The following CHAF1A variants were observed in gnomAD, a reference collection of about 807,000 sequenced individuals.
The protein encoded by CHAF1A is CAF-1 subunit A.
In CHAF1A, 5 loss-of-function variants were observed where a neutral mutation model predicts 93.2. The ratio of observed to expected loss-of-function variants is 0.05; its 90% CI spans 0.03 to 0.11. The LOEUF (loss-of-function observed/expected upper bound fraction) is 0.11, where lower values mean the gene tolerates loss of function less well. Ranked by LOEUF, CHAF1A falls within the 10% of genes least tolerant of loss-of-function variation. CHAF1A has a pLI of 1.00. For missense variants in CHAF1A, 1,102 were observed against 1,259.9 expected (o/e 0.87, Z 1.90); for synonymous variants, 504 against 510.3 (o/e 0.99, Z 0.17).
In CHAF1A at chr19:4,409,020, C is replaced by G; in HGVS notation, c.221C>G (p.Thr74Ser). The part of the protein sequence containing the change: ...KSPDLEASLD[T>S]LENNCHVGSD... ...CCCGATTTAGAGGCCTCTTTGGACA[C>G]CTTGGAAAACAACTGTCATGTGGGT... Residue 74 changes from threonine (T) to serine (S), a missense_variant, in exon 3 of 15, where the codon ACC becomes AGC. By Grantham distance (58) the Thr-to-Ser change is moderately conservative. Around this residue, in one of 6 missense-constraint regions of CHAF1A, gnomAD observed 379 missense variants for 365.7 expected, o/e 1.04. Coordinates refer to ENST00000301280, the MANE Select transcript of CHAF1A (RefSeq NM_005483.3). 6.2e-7 allele frequency: 1 copy of G among 1,614,124 alleles called. No individual in the cohort carries two copies. Among genetic ancestry groups the G allele is most frequent in the East Asian group, 2.2e-5 (1 of 44,876 alleles).
intron 4 of CHAF1A, among the ~76,000 whole-genome samples, chr19:4,420,510 T>C (rs1286421383): frequency 6.6e-6 from 1 of 152,216 alleles, no homozygotes; most frequent in Non-Finnish European, 1.5e-5. Context: ...CCCAAAGTGC[T>C]GGGATTACAG....
chr19:4,449,789 G>C (rs191973140), downstream of CHAF1A: 1 of 152,054 alleles, frequency 6.6e-6, no homozygotes, highest in African/African-American at 2.4e-5. Flanking sequence ...AGGTGCTCTC[G>C]ACAGGTGGGG....
chr19:4,448,519 T>C, downstream of CHAF1A: 1 of 933,094 alleles, frequency 1.1e-6, no homozygotes, highest in Non-Finnish European at 1.7e-6. Context: ...GAACAGCGGC[T>C]TGGAGCGGCC....
chr19:4,438,012 A>G (rs1244414295), intron 13 of CHAF1A, among the ~76,000 whole-genome samples: 1 of 152,088 alleles, frequency 6.6e-6, no homozygotes, highest in South Asian at 2.1e-4. Flanking sequence ...AAGTGCTAGG[A>G]TTACAGGCGT....
chr19:4,429,499 A>C lies in CHAF1A; in HGVS notation c.1666A>C (p.Arg556=). ...TGTTCCCGAGAGGAGGAAGTTTGGC[A>C]GGATGAAGCTCCTGCAGTTCTGTGA... The part of the protein sequence containing the change: ...DGVPERRKFG[R]MKLLQFCENH... The change falls in exon 9 of 15, where the codon AGG becomes CGG. Residue 556 remains arginine, a synonymous_variant. Coordinates refer to ENST00000301280, the MANE Select transcript of CHAF1A (RefSeq NM_005483.3). 1 of 1,613,944 alleles carries C rather than the reference A, an allele frequency of 6.2e-7. No individual in the cohort carries two copies. The highest frequency in any genetic ancestry group is 8.5e-7 in the Non-Finnish European group (1 of 1,179,956).
chr19:4,415,930 T>C (rs1973889630), intron 3 of CHAF1A, among the ~76,000 whole-genome samples: 2 of 151,938 alleles, frequency 1.3e-5, no homozygotes, highest in Admixed American at 1.3e-4. Context: ...TCCCAGCACT[T>C]TGGGAGGCCG....
chr19:4,407,099 G>A (rs180688578), intron 2 of CHAF1A, among the ~76,000 whole-genome samples: 154 of 152,040 alleles, frequency 1.0e-3, no homozygotes, highest in African/African-American at 3.5e-3. Flanking sequence ...GGCACCTGTA[G>A]TCCCAGCTAC....
intron 13 of CHAF1A, among the ~76,000 whole-genome samples, chr19:4,434,830 G>A (rs999936628): frequency 6.6e-6 from 1 of 152,110 alleles, no homozygotes; most frequent in African/African-American, 2.4e-5. Context: ...CCGGTGTAAG[G>A]CACAGACAGG....
rs375751880 is a variant in CHAF1A, at chr19:4,416,345, A to C, written c.961-1675A>C. Reference sequence around the variant, plus strand: ...TCTCTTCCCATTGCTCTTCACTTCTACTAGTTTGGTTTTCAGGATTCCCTG... The same window carrying C: ...TCTCTTCCCATTGCTCTTCACTTCTCCTAGTTTGGTTTTCAGGATTCCCTG... On this transcript the variant is annotated intron_variant, in intron 3 of 14. Coordinates refer to ENST00000301280, the MANE Select transcript of CHAF1A (RefSeq NM_005483.3). Among the ~76,000 whole-genome samples the C allele has an allele frequency of 2.2e-4, 34 of 152,146 alleles. No individual in the cohort carries two copies. The South Asian group carries it at 5.4e-3, about 24-fold the overall frequency.
downstream of CHAF1A, chr19:4,446,922 T>C: frequency 6.2e-7 from 1 of 1,613,706 alleles, no homozygotes; most frequent in Non-Finnish European, 8.5e-7. Context: ...AATGCGCTCC[T>C]GGGGGTGGAG....
chr19:4,442,693 C>T (rs371819793), intron 14 of CHAF1A, among the ~76,000 whole-genome samples: 16 of 152,310 alleles, frequency 1.1e-4, no homozygotes, highest in African/African-American at 2.6e-4. Context: ...CAGCAGGCTG[C>T]GTGGGAGGAG....
downstream of CHAF1A, chr19:4,448,232 G>C (rs1051685860): frequency 1.0e-5 from 13 of 1,239,122 alleles, no homozygotes; most frequent in East Asian, 2.5e-5. Flanking sequence ...AGGTAATGAG[G>C]GGGCCAGAGG....
At chr19:4,416,786 G>A (rs181448749) in intron 3 of CHAF1A, among the ~76,000 whole-genome samples, 2 of 152,156 alleles carry the variant, frequency 1.3e-5, no homozygotes, top group East Asian at 1.9e-4. Flanking sequence ...AGCTACTCAA[G>A]AAGCTGAGGC....
chr19:4,408,461 C>CTTTTTTTTTTTTTTTTTTTTGTTTT (rs1973725656), intron 2 of CHAF1A, among the ~76,000 whole-genome samples: 1 of 36,012 alleles, frequency 2.8e-5, no homozygotes, highest in Admixed American at 4.0e-4. Context: ...CGCACCCGGC[C>CTTTTTTTTTTTTTTTTTTTTGTTTT]TTTTTTTTTT....
chr19:4,445,964 G>A, downstream of CHAF1A: 3 of 1,508,664 alleles, frequency 2.0e-6, no homozygotes, highest in Non-Finnish European at 1.8e-6. Flanking sequence ...GAACAAGGAG[G>A]CTCCCTCCTG....
At chr19:4,438,640 G>A (rs1056553721) in intron 13 of CHAF1A, among the ~76,000 whole-genome samples, 1 of 152,172 alleles carries the variant, frequency 6.6e-6, no homozygotes. Context: ...TACAAGGAAG[G>A]ATGTGTTTGC....
intron 2 of CHAF1A, 130 bp from the exon 3 acceptor site, chr19:4,408,773 C>G: frequency 8.3e-7 from 1 of 1,198,712 alleles, no homozygotes; most frequent in Non-Finnish European, 1.2e-6. Flanking sequence ...CACACCCGGC[C>G]CAGATAGTCC....
intron 13 of CHAF1A, among the ~76,000 whole-genome samples, chr19:4,437,704 A>G (rs1050718969): frequency 1.3e-5 from 2 of 151,328 alleles, no homozygotes; most frequent in African/African-American, 2.4e-5. Context: ...ACTCGGTTAC[A>G]CTTTTTTTCC....
chr19:4,402,917 GT>G, intron 1 of CHAF1A, 103 bp downstream of exon 1: 2 of 699,404 alleles, frequency 2.9e-6, no homozygotes, highest in Non-Finnish European at 3.9e-6. Flanking sequence ...GCCAAGCCTG[GT>G]CCTGCGGGCC....
Sources: allele counts gnomAD v4.1 joint callset (sites outside exome capture counted in the v4.1 genomes callset), GRCh38; gene constraint gnomAD v4.1.1; regional missense constraint gnomAD v4.1.1; transcripts MANE v1.5; gene names NCBI Gene and HGNC (gene_info 2026-07-23, HGNC 2026-07-21).